The following WDR59 variants were observed in gnomAD, a reference collection of about 807,000 sequenced individuals.
WDR59 encodes WD repeat domain 59.
WDR59 carries 100 observed loss-of-function variants against 131.2 expected under a neutral mutation model. The observed-to-expected ratio is 0.76, with a 90% CI of 0.65 to 0.90. The LOEUF (loss-of-function observed/expected upper bound fraction) is 0.90. WDR59 is among the 40% of genes least tolerant of loss of function. WDR59 has a pLI of 0.00. For synonymous variants in WDR59, 601 were observed against 466.2 expected (o/e 1.29, Z -3.72); for missense variants, 1,203 against 1,262.2 (o/e 0.95, Z 0.71).
rs533258620 is a variant in WDR59, at chr16:74,897,572, C to A, written c.1867-3760G>T. Reference sequence around the variant, plus strand: ...TTCTTGAGACACCAGGCTTCTAGGTCCTTCTGTTTGATCCGTATTGGATGG... The same window carrying A: ...TTCTTGAGACACCAGGCTTCTAGGTACTTCTGTTTGATCCGTATTGGATGG... On this transcript the variant is annotated intron_variant, in intron 18 of 25. Coordinates refer to ENST00000262144, the MANE Select transcript of WDR59 (RefSeq NM_030581.4). Among the ~76,000 whole-genome samples the A allele has an allele frequency of 6.8e-4, 104 of 152,278 alleles. 1 individual carries two copies. The highest frequency in any genetic ancestry group is 3.4e-3 in the Middle Eastern group (1 of 294).
At chr16:74,949,450 G>A (rs1456103893) in intron 5 of WDR59, among the ~76,000 whole-genome samples, 1 of 149,684 alleles carries the variant, frequency 6.7e-6, no homozygotes, top group East Asian at 2.0e-4. Flanking sequence ...AAGAAGGAGG[G>A]AGGGAAGGAG....
intron 25 of WDR59, among the ~76,000 whole-genome samples, chr16:74,880,322 C>T (rs1001484358): frequency 1.6e-4 from 24 of 152,164 alleles, no homozygotes; most frequent in African/African-American, 5.8e-4. Flanking sequence ...TGGCAGGCGC[C>T]TGTAGTCCCA....
At chr16:74,963,337 T>C (rs8050886) in intron 2 of WDR59, 85,541 of 152,002 alleles carry the variant, frequency 0.56, 25,585 homozygotes, top group East Asian at 0.77. Context: ...ATGGAATCAA[T>C]CCAAACGCCC....
intron 1 of WDR59, among the ~76,000 whole-genome samples, chr16:74,977,751 G>A (rs57551775): frequency 0.031 from 4,705 of 152,230 alleles, 265 homozygotes; most frequent in African/African-American, 0.11. Context: ...ACTTATAGCA[G>A]CTTTCTTCAG....
intron 1 of WDR59, among the ~76,000 whole-genome samples, chr16:74,974,647 T>C (rs2034117375): frequency 6.6e-6 from 1 of 152,168 alleles, no homozygotes; most frequent in African/African-American, 2.4e-5. Flanking sequence ...GTGCCTCAAC[T>C]GTATGTACAA....
At chr16:74,887,579 G>A (rs1964827801) in intron 23 of WDR59, 104 bp downstream of exon 23, 3 of 1,122,866 alleles carry the variant, frequency 2.7e-6, no homozygotes, top group Non-Finnish European at 3.8e-6. Flanking sequence ...AGAGAAATAA[G>A]AAATAAGAAA....
At chr16:74,967,875 A>T (rs1337625644) in intron 1 of WDR59, among the ~76,000 whole-genome samples, 3 of 150,038 alleles carry the variant, frequency 2.0e-5, no homozygotes, top group Non-Finnish European at 4.4e-5. Flanking sequence ...AAAAAAAAAA[A>T]GATAGAAGAC....
chr16:74,900,279 C>A (rs1181678101), intron 18 of WDR59, among the ~76,000 whole-genome samples: 1 of 151,936 alleles, frequency 6.6e-6, no homozygotes. Flanking sequence ...ATTGGGCCTG[C>A]AGGACTATCT....
intron 4 of WDR59, among the ~76,000 whole-genome samples, chr16:74,950,919 G>A (rs1336763523): frequency 4.0e-5 from 6 of 151,522 alleles, no homozygotes; most frequent in Admixed American, 3.3e-4. Context: ...ACTTTGGGAG[G>A]CCAAGGCAGG....
intron 3 of WDR59, among the ~76,000 whole-genome samples, chr16:74,954,267 G>A (rs998688756): frequency 2.6e-5 from 4 of 151,866 alleles, no homozygotes; most frequent in Admixed American, 1.3e-4. Context: ...AATTAGCCAG[G>A]CGTGATCATG....
At chr16:74,938,751 T>C (rs186856560) in intron 7 of WDR59, among the ~76,000 whole-genome samples, 3 of 151,988 alleles carry the variant, frequency 2.0e-5, no homozygotes, top group Admixed American at 2.0e-4. Context: ...TTGTCCAGGC[T>C]GGTCTTGAAC....
intron 3 of WDR59, among the ~76,000 whole-genome samples, chr16:74,955,797 G>A (rs749383581): frequency 6.6e-6 from 1 of 152,040 alleles, no homozygotes; most frequent in Non-Finnish European, 1.5e-5. Context: ...CCAGCCCAAT[G>A]CAAAAAGAGC....
chr16:74,968,590 A>G (rs2033864741), intron 1 of WDR59, among the ~76,000 whole-genome samples: 1 of 152,104 alleles, frequency 6.6e-6, no homozygotes. Context: ...GCGTGGTGGC[A>G]TGCATCTGCA....
intron 25 of WDR59, among the ~76,000 whole-genome samples, chr16:74,877,159 G>A (rs948753910): frequency 5.3e-5 from 8 of 152,142 alleles, no homozygotes; most frequent in African/African-American, 1.9e-4. Flanking sequence ...TGAGGGTATT[G>A]TCTTACTGAA....
rs568701042 is a variant in WDR59, at chr16:74,938,171, G to A, written c.630C>T (p.Ser210=). The A allele has an allele frequency of 7.6e-6, 12 of 1,572,368 alleles. No homozygotes were observed. In the African/African-American group the frequency reaches 1.1e-4, roughly 14 times the overall value. Residue 210 remains serine, a synonymous_variant, in exon 8 of 26, where the codon TCC becomes TCT. Transcript: ENST00000262144. ...HPDSEHILAT[S]SQDNSVKFWD... is the part of the protein sequence containing the mutation. ...TGACCTTCACAGAATTGTCTTGACT[G>A]GAGGTAGCAAGAATGTGCTCGCTGT...
In WDR59 at chr16:74,888,248, G is replaced by C; in HGVS notation, c.2267C>G (p.Ser756Cys). The change falls in exon 22 of 26, where the codon TCT becomes TGT. Residue 756 changes from serine (S) to cysteine (C), a missense_variant. Physicochemically the swap from Ser to Cys is moderately radical, Grantham distance 112. Transcript: ENST00000262144. ...AMLCSVFEAQSRPQGLPNPFG... is the reference protein window; with the variant it reads ...AMLCSVFEAQCRPQGLPNPFG... ...GGGGTTTGGTAGCCCCTGAGGCCGA[G>C]ACTGGGCTTCAAACACGCTACAGAG... 6.2e-7 allele frequency: 1 copy of C among 1,614,124 alleles called. No homozygotes were observed. Among genetic ancestry groups the C allele is most frequent in the Non-Finnish European group, 8.5e-7 (1 of 1,180,018 alleles).
In WDR59 at chr16:74,913,082, GGGC is replaced by G. The variant is rs995739554; in HGVS notation, c.1225-723_1225-721del. Among the ~76,000 whole-genome samples the G allele has an allele frequency of 4.3e-5, 6 of 138,432 alleles. No homozygotes were observed. In the South Asian group the frequency reaches 9.9e-4, roughly 23 times the overall value. The allele number at this position is 138,432 out of a possible 152,430, so 90.8% of individuals were successfully genotyped here. A position where few individuals can be genotyped will look rare whatever the true frequency, so the allele number is the denominator to read the frequency against. On this transcript the variant is annotated intron_variant, in intron 13 of 25. Transcript: ENST00000262144. ...TATGGCTAGATTTTGGGGGGGGGGG[GGGC>G]CTGTTCCCAACATGTCCCCCTTCTT...
At chr16:74,934,734 G>A (rs149384143) in intron 8 of WDR59, among the ~76,000 whole-genome samples, 297 of 152,218 alleles carry the variant, frequency 2.0e-3, no homozygotes, top group African/African-American at 6.5e-3. Context: ...GACTGCTTGA[G>A]CCCAGGAGTT....
chr16:74,926,838 T>A (rs2030860673), intron 8 of WDR59, among the ~76,000 whole-genome samples: 1 of 152,160 alleles, frequency 6.6e-6, no homozygotes, highest in Non-Finnish European at 1.5e-5. Context: ...GAGTTCGAAG[T>A]GGGTGACTTT....
Sources: allele counts gnomAD v4.1 joint callset (sites outside exome capture counted in the v4.1 genomes callset), GRCh38; gene constraint gnomAD v4.1.1; transcripts MANE v1.5; gene names NCBI Gene and HGNC (gene_info 2026-07-23, HGNC 2026-07-21).